Variants in ACACA observed in about 807,000 individuals in gnomAD.
ACACA encodes the protein acetyl-CoA carboxylase 1.
ACACA carries 103 observed loss-of-function variants against 296.1 expected under a neutral mutation model. The observed-to-expected ratio is 0.35, with a 90% confidence interval of 0.30 to 0.41. The LOEUF is 0.41. Among genes scored for constraint, ACACA ranks in the 10% least tolerant of loss-of-function variants. The pLI, the probability that ACACA is intolerant of heterozygous loss-of-function variation, is 1.00. For synonymous variants in ACACA, 953 were observed against 1,038.6 expected (o/e 0.92, Z 1.58); for missense variants, 1,554 against 2,989.7 (o/e 0.52, Z 11.20).
intron 3 of ACACA, among the ~76,000 whole-genome samples, chr17:37,287,569 TAAAAAAA>T (rs1170331801): frequency 1.4e-5 from 1 of 69,928 alleles, no homozygotes. Flanking sequence ...ACGTCTCTAC[TAAAAAAA>T]AAAAAAAAAA....
At chr17:37,143,630 G>C in intron 45 of ACACA, 1 of 867,374 alleles carries the variant, frequency 1.2e-6, no homozygotes, top group East Asian at 2.7e-5. Context: ...GTTGTATACA[G>C]GGGGGTTAAA....
At chr17:37,160,584 T>A (rs1278079864) in intron 42 of ACACA, among the ~76,000 whole-genome samples, 1 of 152,200 alleles carries the variant, frequency 6.6e-6, no homozygotes, top group Admixed American at 6.5e-5. Context: ...GAACTGTTTT[T>A]TTCTCCATCA....
At position 37,205,814 on chromosome 17, in the gene ACACA, A is replaced by G. The variant is rs1484041972; in HGVS notation, c.4007T>C (p.Ile1336Thr). ...LNVAIKTDCD[I>T]EDDRLAAMFR... ...CATAGCTGCCAGCCTGTCATCCTCA[A>G]TATCACAGTCAGTCTTGATAGCCAC... The change falls in exon 33 of 56, where the codon ATT (isoleucine) becomes ACT (threonine). Residue 1336 changes from isoleucine to threonine, a missense_variant. Transcript: ENST00000616317. 6.2e-7 allele frequency: 1 copy of G among 1,613,760 alleles called. No homozygotes were observed. The highest frequency in any genetic ancestry group is 1.1e-5 in the South Asian group (1 of 91,080).
intron 8 of ACACA, among the ~76,000 whole-genome samples, chr17:37,275,409 T>C (rs1186908094): frequency 2.0e-5 from 3 of 149,216 alleles, no homozygotes; most frequent in African/African-American, 5.0e-5. Context: ...AGGCAGAGAA[T>C]TGCTTGAACC....
At position 37,097,222 on chromosome 17, in the gene ACACA, T is replaced by A; in HGVS notation, c.6721-56A>T. ...GTCCTAATTCCTGCTTAATGCTCAG[T>A]CTGGAGGGAAACCCACAGGCATAAA... On this transcript the variant is annotated intron_variant, in intron 53 of 55. Coordinates refer to ENST00000616317, the MANE Select transcript of ACACA (RefSeq NM_198834.3). The surrounding 1 kb of genome is among the most constrained non-coding windows in gnomAD (Gnocchi z 4.8). 1 of 1,589,372 alleles carries A rather than the reference T, an allele frequency of 6.3e-7. No homozygotes were observed.
chr17:37,285,785 A>G (rs946139682), intron 3 of ACACA, among the ~76,000 whole-genome samples: 3 of 152,026 alleles, frequency 2.0e-5, no homozygotes, highest in Non-Finnish European at 4.4e-5. Flanking sequence ...AGTCATAGTC[A>G]TGCTACTGCA....
chr17:37,306,306 T>C (rs2083885377), intron 3 of ACACA, among the ~76,000 whole-genome samples: 1 of 152,180 alleles, frequency 6.6e-6, no homozygotes, highest in African/African-American at 2.4e-5. Flanking sequence ...TTGTCAATCT[T>C]CATAATTGGT....
intron 14 of ACACA, among the ~76,000 whole-genome samples, chr17:37,255,143 A>G (rs1357726282): frequency 1.3e-5 from 2 of 151,996 alleles, no homozygotes; most frequent in Admixed American, 6.5e-5. Context: ...AGGGAATGGT[A>G]TGATTGAAGC....
chr17:37,391,365 T>C lies in ACACA; in HGVS notation c.38+14897A>G, dbSNP rs78426879. 3.9e-5 allele frequency among the ~76,000 whole-genome samples: 6 copies of C among 152,342 alleles called. No homozygotes were observed. In the East Asian group the frequency reaches 1.2e-3, roughly 29 times the overall value. The stretch of plus-strand genomic sequence containing the variant: ...TACTTAAGTTGAGGCTTGAAGAGGT[T>C]ATGTGACTTCCCAAGGTTACACAGC... On this transcript the variant is annotated intron_variant, in intron 1 of 55. Coordinates refer to ENST00000616317, the MANE Select transcript of ACACA (RefSeq NM_198834.3).
chr17:37,324,075 G>C (rs1598488581), intron 3 of ACACA, among the ~76,000 whole-genome samples: 1 of 151,448 alleles, frequency 6.6e-6, no homozygotes, highest in South Asian at 2.1e-4. Context: ...TACTAAAAAT[G>C]CAAAAAATTA....
chr17:37,350,201 C>G (rs117645471), intron 1 of ACACA, among the ~76,000 whole-genome samples: 3,950 of 152,104 alleles, frequency 0.026, 73 homozygotes, highest in Non-Finnish European at 0.039. Flanking sequence ...CATAATGGCA[C>G]GTGCCTATGG....
chr17:37,322,084 G>A (rs1254527560), intron 3 of ACACA, among the ~76,000 whole-genome samples: 3 of 152,130 alleles, frequency 2.0e-5, no homozygotes, highest in African/African-American at 7.2e-5. Context: ...AAATTATTCT[G>A]AAGAGTCCAA....
intron 28 of ACACA, 95 bp downstream of exon 28, chr17:37,223,417 G>A: frequency 1.0e-6 from 1 of 998,274 alleles, no homozygotes; most frequent in Non-Finnish European, 1.6e-6. Context: ...CAACCTTAAG[G>A]CCAGAGAACT....
At chr17:37,290,641 C>G (rs2083003277) in intron 3 of ACACA, among the ~76,000 whole-genome samples, 1 of 152,154 alleles carries the variant, frequency 6.6e-6, no homozygotes. Context: ...ACAATACTGC[C>G]TCAAGTTAAC....
chr17:37,221,038 CATT>C (rs1167398202), intron 29 of ACACA, among the ~76,000 whole-genome samples: 3 of 152,094 alleles, frequency 2.0e-5, no homozygotes, highest in Admixed American at 1.3e-4. Flanking sequence ...CCTAGATTTT[CATT>C]GCCTTAGAAT....
At chr17:37,396,848 C>T (rs906684616) in intron 1 of ACACA, among the ~76,000 whole-genome samples, 1 of 152,144 alleles carries the variant, frequency 6.6e-6, no homozygotes, top group African/African-American at 2.4e-5. Context: ...CAATGGCCCT[C>T]AGGTTGCCTT....
chr17:37,353,004 A>G (rs2048974543), intron 1 of ACACA, among the ~76,000 whole-genome samples: 1 of 152,186 alleles, frequency 6.6e-6, no homozygotes, highest in South Asian at 2.1e-4. Flanking sequence ...ATCGTTGGAA[A>G]CTTTCAAACG....
intron 50 of ACACA, among the ~76,000 whole-genome samples, chr17:37,116,324 T>C (rs931473796): frequency 4.6e-5 from 7 of 152,204 alleles, no homozygotes; most frequent in African/African-American, 1.7e-4. Context: ...AGAGACAGCA[T>C]GAGACTGGGG....
At chr17:37,278,027 TAGAG>T in intron 5 of ACACA, 22 bp from the exon 6 acceptor site, 1 of 1,565,910 alleles carries the variant, frequency 6.4e-7, no homozygotes, top group Non-Finnish European at 8.8e-7. Context: ...AGCGAATTAA[TAGAG>T]AACACATGAT....
Sources: allele counts gnomAD v4.1 joint callset (sites outside exome capture counted in the v4.1 genomes callset), GRCh38; gene constraint gnomAD v4.1.1; non-coding constraint Gnocchi (gnomAD v3.1); transcripts MANE v1.5; gene names NCBI Gene and HGNC (gene_info 2026-07-23, HGNC 2026-07-21).